The following KLRG2 variants were observed in gnomAD, a reference collection of about 807,000 sequenced individuals.
KLRG2 encodes the protein killer cell lectin like receptor G2.
Under a neutral mutation model 35.4 loss-of-function variants are expected in KLRG2, and 39 were observed. That is an observed-to-expected ratio of 1.10 (90% CI 0.85 to 1.44). The LOEUF is 1.44. Ranked by LOEUF, KLRG2 falls within the 40% of genes most tolerant of loss-of-function variation. The pLI is 0.00. For synonymous variants in KLRG2, 283 were observed against 265.8 expected, an observed-to-expected ratio of 1.06 and a Z score of -0.63; for missense variants, 632 against 570.9, an observed-to-expected ratio of 1.11 and a Z score of -1.09.
intron 3 of KLRG2, among the ~76,000 whole-genome samples, chr7:139,472,929 G>A (rs929557690): frequency 2.0e-5 from 3 of 152,178 alleles, no homozygotes; most frequent in Non-Finnish European, 4.4e-5. Flanking sequence ...TCGGAAAGAC[G>A]AACCACAGAG....
intron 3 of KLRG2, among the ~76,000 whole-genome samples, chr7:139,468,711 CAT>C (rs747128690): frequency 1.1e-4 from 17 of 152,192 alleles, no homozygotes; most frequent in Non-Finnish European, 1.6e-4. Context: ...CAAAATGTCA[CAT>C]GTGTCAGTCT....
the KLRG2 span, among the ~76,000 whole-genome samples, chr7:139,441,314 C>G: frequency 6.6e-6 from 1 of 152,106 alleles, no homozygotes; most frequent in Admixed American, 6.6e-5. Flanking sequence ...GAGTTCATGT[C>G]CTTTGCAGGG....
rs924893078 is a variant in KLRG2 at position 139,453,212 on chromosome 7, C to T, written c.*375G>A. On this transcript the variant is annotated 3_prime_UTR_variant, in exon 5 of 5. Coordinates refer to ENST00000340940, the MANE Select transcript of KLRG2 (RefSeq NM_198508.4). ...CAACGGCAGACTCATTTCCATGAGC[C>T]GGAATGAGAACCCAGATTGGAATCC... 2.5e-5 allele frequency: 10 copies of T among 394,020 alleles called. No individual in the cohort carries two copies. Among genetic ancestry groups the T allele is most frequent in the Middle Eastern group, 6.5e-4 (1 of 1,538 alleles). 24.4% of individuals were successfully genotyped at this position (394,020 alleles called of 1,614,324 possible).
the KLRG2 span, among the ~76,000 whole-genome samples, chr7:139,447,346 C>T: frequency 1.3e-5 from 2 of 151,982 alleles, no homozygotes; most frequent in African/African-American, 4.8e-5. Flanking sequence ...TACTCCTAAG[C>T]CACAAACCTG....
In KLRG2 at chr7:139,483,407, C is replaced by G. The variant is rs776955134; in HGVS notation, c.236G>C (p.Arg79Pro). ...KPPSPRPGSP[R>P]VPPLSLGYGV... ...GTAGCCCAGGCTGAGCGGCGGCACG[C>G]GCGGGGACCCGGGGCGAGGCGAAGG... Residue 79 changes from arginine to proline, a missense_variant, in exon 1 of 5, where the codon CGC (arginine) becomes CCC (proline). Physicochemically the swap from Arg to Pro is moderately radical, Grantham distance 103. Transcript: ENST00000340940. The G allele has an allele frequency of 1.9e-6, 3 of 1,543,216 alleles. No homozygotes were observed. In the African/African-American group the frequency reaches 4.3e-5, roughly 22 times the overall value.
the KLRG2 span, among the ~76,000 whole-genome samples, chr7:139,446,363 A>C: frequency 9.0e-6 from 1 of 110,506 alleles, no homozygotes. Context: ...TTTTTTTTTA[A>C]GAGAGAGTCT....
the KLRG2 span, among the ~76,000 whole-genome samples, chr7:139,437,569 G>A: frequency 1.3e-5 from 2 of 151,938 alleles, no homozygotes; most frequent in South Asian, 4.1e-4. Flanking sequence ...CAATTCTCAT[G>A]CCTCAGCTTC....
intron 3 of KLRG2, among the ~76,000 whole-genome samples, chr7:139,457,775 T>C (rs1796502069): frequency 6.6e-6 from 1 of 150,748 alleles, no homozygotes; most frequent in Non-Finnish European, 1.5e-5. Context: ...ACCCACTCCA[T>C]TCCATTCTTC....
chr7:139,428,195 CAG>C, the KLRG2 span, among the ~76,000 whole-genome samples: 1 of 152,114 alleles, frequency 6.6e-6, no homozygotes, highest in African/African-American at 2.4e-5. Flanking sequence ...CTGATTGTAA[CAG>C]ATAAAAAACC....
chr7:139,464,924 C>T (rs1239368423), intron 3 of KLRG2, among the ~76,000 whole-genome samples: 2 of 152,246 alleles, frequency 1.3e-5, no homozygotes, highest in African/African-American at 4.8e-5. Flanking sequence ...TTCAGCTATA[C>T]TCGCTCTTTG....
intron 1 of KLRG2, among the ~76,000 whole-genome samples, chr7:139,482,593 A>T (rs1796979435): frequency 6.6e-6 from 1 of 152,110 alleles, no homozygotes. Flanking sequence ...GGGTTTCATC[A>T]TATTGGTCAG....
chr7:139,454,017 A>G lies in KLRG2; in HGVS notation c.1109+94T>C. The stretch of plus-strand genomic sequence containing the variant: ...GGGCGTGGGCTGCTTTCCAAGTGGC[A>G]TTCCAGGCTAGGGGAGCAGCAAGGA... On this transcript the variant is annotated intron_variant, in intron 4 of 4. Transcript: ENST00000340940. The G allele has an allele frequency of 4.7e-6, 4 of 845,546 alleles. No individual in the cohort carries two copies. In the South Asian group the frequency reaches 6.0e-5, roughly 13 times the overall value. 52.4% of individuals were successfully genotyped at this position (845,546 alleles called of 1,614,324 possible). A position where few individuals can be genotyped will look rare whatever the true frequency, so the allele number is the denominator to read the frequency against.
rs575632392 is a variant in KLRG2, at chr7:139,461,783, G to A, written c.1006-7569C>T. 6.1e-4 allele frequency among the ~76,000 whole-genome samples: 92 copies of A among 152,014 alleles called. 1 individual carries two copies. Among genetic ancestry groups the A allele is most frequent in the South Asian group, 2.9e-3 (14 of 4,814 alleles). On this transcript the variant is annotated intron_variant, in intron 3 of 4. Coordinates refer to ENST00000340940, the MANE Select transcript of KLRG2 (RefSeq NM_198508.4). ...CGCTGACTCTTTTCGGACTCAGCCC[G>A]CCTGCACCCAGGTTAAATAAACAGC...
At chr7:139,429,381 TTTTTC>T in the KLRG2 span, among the ~76,000 whole-genome samples, 2,968 of 95,382 alleles carry the variant, frequency 0.031, 39 homozygotes, top group Middle Eastern at 0.083. Context: ...TTTCTTTTTC[TTTTTC>T]TTTTTTTTTT....
Position 139,483,058 on chromosome 7 carries a change from G to A in KLRG2, c.585C>T (p.Ser195=), listed in dbSNP as rs2116492187. 1.4e-6 allele frequency: 2 copies of A among 1,379,416 alleles called. No individual in the cohort carries two copies. The highest frequency in any genetic ancestry group is 3.1e-5 in the East Asian group (1 of 32,564). 85.4% of individuals were successfully genotyped at this position (1,379,416 alleles called of 1,614,324 possible). ...TGGCCCGGCCCTCTGCGTCGCAGCC[G>A]CTCTCCGTCCGGGCTGCAGCCAGCG... ...RSPLAAARTE[S]GCDAEGRASP... is the part of the protein sequence containing the mutation. Residue 195 remains serine (S), a synonymous_variant, in exon 1 of 5, where the codon AGC becomes AGT. Transcript: ENST00000340940.
chr7:139,476,832 G>A (rs540710862), intron 3 of KLRG2, among the ~76,000 whole-genome samples: 12 of 152,142 alleles, frequency 7.9e-5, no homozygotes, highest in African/African-American at 1.9e-4. Flanking sequence ...ATTTACTCTC[G>A]TAGCACTGTG....
At chr7:139,445,942 C>T in the KLRG2 span, among the ~76,000 whole-genome samples, 9 of 151,478 alleles carry the variant, frequency 5.9e-5, no homozygotes, top group Non-Finnish European at 1.3e-4. Flanking sequence ...AGCAATTCTC[C>T]TGCCTCAGCC....
At chr7:139,442,440 G>A in the KLRG2 span, among the ~76,000 whole-genome samples, 1 of 152,152 alleles carries the variant, frequency 6.6e-6, no homozygotes, top group Admixed American at 6.5e-5. Flanking sequence ...GGCCAGGCAC[G>A]GTAGCTCACA....
intron 3 of KLRG2, among the ~76,000 whole-genome samples, chr7:139,465,834 T>A (rs1172354907): frequency 1.3e-5 from 2 of 152,100 alleles, no homozygotes; most frequent in East Asian, 3.8e-4. Context: ...GCATTCCAAC[T>A]TCTATCCCTC....
Sources: allele counts gnomAD v4.1 joint callset (sites outside exome capture counted in the v4.1 genomes callset), GRCh38; gene constraint gnomAD v4.1.1; transcripts MANE v1.5; gene names NCBI Gene and HGNC (gene_info 2026-07-23, HGNC 2026-07-21).